Variants in CLASP1 observed in about 807,000 individuals in gnomAD.
The protein encoded by CLASP1 is CLIP-associating protein 1.
CLASP1 carries 38 observed loss-of-function variants against 192.3 expected under a neutral mutation model. The ratio of observed to expected loss-of-function variants is 0.20; its 90% CI spans 0.15 to 0.26. The LOEUF (loss-of-function observed/expected upper bound fraction) is 0.26, where lower values mean the gene tolerates loss of function less well. CLASP1 is among the 10% of genes least tolerant of loss of function. The pLI, the probability that CLASP1 is intolerant of heterozygous loss-of-function variation, is 1.00. For synonymous variants in CLASP1, 691 were observed against 712.8 expected, an observed-to-expected ratio of 0.97 and a Z score of 0.49; for missense variants, 1,433 against 1,932.5, an observed-to-expected ratio of 0.74 and a Z score of 4.85.
At chr2:121,468,467 G>C (rs6743127) in intron 9 of CLASP1, among the ~76,000 whole-genome samples, 6,030 of 152,160 alleles carry the variant, frequency 0.04, 161 homozygotes, top group East Asian at 0.14. Flanking sequence ...GTGTTTTGTA[G>C]TGCTCCTTGA....
At chr2:121,645,340 T>C (rs571220849) in intron 1 of CLASP1, among the ~76,000 whole-genome samples, 1 of 152,302 alleles carries the variant, frequency 6.6e-6, no homozygotes, top group East Asian at 1.9e-4. Flanking sequence ...CAGACTGTAG[T>C]AGTAATCTAA....
chr2:121,606,029 G>A (rs981729799), exon 2 of CLASP1: 110 of 705,472 alleles, frequency 1.6e-4, no homozygotes, highest in Non-Finnish European at 2.2e-4. Flanking sequence ...GATGCAATCT[G>A]GGGAATGGCA....
intron 8 of CLASP1, among the ~76,000 whole-genome samples, chr2:121,478,419 G>A (rs2150036662): frequency 6.6e-6 from 1 of 152,092 alleles, no homozygotes; most frequent in South Asian, 2.1e-4. Flanking sequence ...TGACCAACAT[G>A]GTGAAACCTC....
At chr2:121,451,829 T>A in exon 15 of CLASP1, 1 of 1,571,058 alleles carries the variant, frequency 6.4e-7, no homozygotes, top group Non-Finnish European at 8.6e-7. Context: ...TAAAAGCAAA[T>A]CTAAAAATTC....
intron 1 of CLASP1, among the ~76,000 whole-genome samples, chr2:121,640,829 C>T (rs974730983): frequency 6.6e-6 from 1 of 152,202 alleles, no homozygotes; most frequent in Non-Finnish European, 1.5e-5. Flanking sequence ...ATAGCACCTG[C>T]CTTTAAATGT....
At chr2:121,344,320 T>A (rs1159395116) in intron 39 of CLASP1, among the ~76,000 whole-genome samples, 1 of 151,888 alleles carries the variant, frequency 6.6e-6, no homozygotes, top group Non-Finnish European at 1.5e-5. Flanking sequence ...TATCACTTAT[T>A]TTTTTTCTTA....
chr2:121,554,326 A>T (rs958467619), intron 2 of CLASP1, among the ~76,000 whole-genome samples: 11 of 152,106 alleles, frequency 7.2e-5, no homozygotes, highest in African/African-American at 2.7e-4. Context: ...GATAAATCAG[A>T]TAGGCTGGTT....
chr2:121,574,363 C>T lies in CLASP1; in HGVS notation c.195+31338G>A, dbSNP rs193127178. Among the ~76,000 whole-genome samples, 64 of 150,208 alleles carry T rather than the reference C, an allele frequency of 4.3e-4. No homozygotes were observed. The East Asian group carries it at 0.011, about 26-fold the overall frequency. On this transcript the variant is annotated intron_variant, in intron 2 of 39. Coordinates refer to ENST00000263710, the Ensembl canonical transcript of CLASP1. ...AAAAAAATCACTGATGGCTGGGCACCGTGGCTCACACCTGTAATCCTAGCA... is the reference window on the plus strand; with the variant it reads ...AAAAAAATCACTGATGGCTGGGCACTGTGGCTCACACCTGTAATCCTAGCA...
exon 2 of CLASP1, chr2:121,605,785 A>C: frequency 6.2e-7 from 1 of 1,614,048 alleles, no homozygotes; most frequent in Non-Finnish European, 8.5e-7. Context: ...CAAGGTCAGC[A>C]GACTTCTGTT....
chr2:121,621,220 C>T (rs1156646449), intron 1 of CLASP1, among the ~76,000 whole-genome samples: 2 of 144,538 alleles, frequency 1.4e-5, no homozygotes, highest in African/African-American at 2.5e-5. Flanking sequence ...GAACCTGTAT[C>T]AAAAAAAAAA....
chr2:121,453,006 G>A (rs187165944), intron 14 of CLASP1, among the ~76,000 whole-genome samples: 74 of 152,094 alleles, frequency 4.9e-4, no homozygotes, highest in African/African-American at 1.8e-3. Context: ...ATAAATCAAG[G>A]CTGGGAGCAG....
chr2:121,455,953 G>A (rs1048562317), intron 14 of CLASP1, among the ~76,000 whole-genome samples: 6 of 152,120 alleles, frequency 3.9e-5, no homozygotes, highest in African/African-American at 1.2e-4. Flanking sequence ...TGTAAAGCAT[G>A]CAAAATGTCA....
intron 19 of CLASP1, among the ~76,000 whole-genome samples, chr2:121,432,710 T>C (rs1451232031): frequency 6.6e-6 from 1 of 152,146 alleles, no homozygotes; most frequent in Non-Finnish European, 1.5e-5. Flanking sequence ...TTAAAGTTGC[T>C]TTATTTTTAT....
intron 2 of CLASP1, among the ~76,000 whole-genome samples, chr2:121,596,823 T>C (rs1037418362): frequency 2.6e-5 from 4 of 152,230 alleles, no homozygotes; most frequent in African/African-American, 7.2e-5. Flanking sequence ...ATTCCTATGA[T>C]GCAATTTAGC....
At chr2:121,371,523 G>A (rs2068725740) in intron 34 of CLASP1, among the ~76,000 whole-genome samples, 1 of 151,944 alleles carries the variant, frequency 6.6e-6, no homozygotes, top group Non-Finnish European at 1.5e-5. Context: ...GCAGGCGTGA[G>A]CCACCATAAT....
rs551952864 is a variant in CLASP1, at chr2:121,434,539, T to C, written c.1913-4362A>G. ...CCTTGGCCTCCCAAAGTGCTCAGAT[T>C]ATAGGTGTGAGCCATTGTACCTGGC... On this transcript the variant is annotated intron_variant, in intron 19 of 39. Coordinates refer to ENST00000263710, the Ensembl canonical transcript of CLASP1. Among the ~76,000 whole-genome samples the C allele has an allele frequency of 3.0e-3, 463 of 152,296 alleles. 4 individuals carry two copies. The highest frequency in any genetic ancestry group is 4.3e-3 in the Non-Finnish European group (292 of 68,014).
At chr2:121,541,037 T>C (rs1467914420) in intron 2 of CLASP1, among the ~76,000 whole-genome samples, 1 of 152,216 alleles carries the variant, frequency 6.6e-6, no homozygotes, top group Non-Finnish European at 1.5e-5. Flanking sequence ...TTCACAGTTT[T>C]AAGTTTTAAA....
rs548870703 is a variant in CLASP1 at position 121,594,554 on chromosome 2, G to A, written c.195+11147C>T. Among the ~76,000 whole-genome samples the A allele has an allele frequency of 1.6e-3, 238 of 151,632 alleles. 1 individual carries two copies. Among genetic ancestry groups the A allele is most frequent in the Admixed American group, 0.014 (209 of 15,252 alleles). ...ACTACAGGCACCCGATACCACGCCC[G>A]GCTAATTTCTGTATTTTTAGTAGAG... On this transcript the variant is annotated intron_variant, in intron 2 of 39. Coordinates refer to ENST00000263710, the Ensembl canonical transcript of CLASP1.
At chr2:121,535,709 C>T (rs550584041) in intron 2 of CLASP1, among the ~76,000 whole-genome samples, 2 of 150,970 alleles carry the variant, frequency 1.3e-5, no homozygotes, top group South Asian at 2.1e-4. Flanking sequence ...AGTGTAGTTG[C>T]GTGATTTCGG....
Sources: gnomAD v4.1 joint callset for allele counts (sites outside exome capture counted in the v4.1 genomes callset) on GRCh38, gnomAD v4.1.1 for gene constraint, MANE v1.5 for transcripts, NCBI Gene and HGNC (gene_info 2026-07-23, HGNC 2026-07-21) for gene names.